Variants in OGG1 observed in about 807,000 individuals in gnomAD.
OGG1 encodes 8-oxoguanine DNA glycosylase.
A neutral mutation model predicts 42.3 loss-of-function variants in OGG1; 35 were observed. The observed-to-expected ratio is 0.83, with a 90% CI of 0.63 to 1.10. The LOEUF is 1.10. Ranked by LOEUF, OGG1 falls within the 50% of genes least tolerant of loss-of-function variation. OGG1 has a pLI of 0.00. For missense variants in OGG1, 484 were observed against 446.7 expected, an observed-to-expected ratio of 1.08 and a Z score of -0.75; for synonymous variants, 189 against 179.0, an observed-to-expected ratio of 1.06 and a Z score of -0.44.
chr3:9,767,771 A>T, downstream of OGG1: 1 of 1,613,556 alleles, frequency 6.2e-7, no homozygotes, highest in Non-Finnish European at 8.5e-7. Context: ...CCCCGACCAC[A>T]GCCAGGGCTC....
At chr3:9,790,403 C>T (rs774646434), downstream of OGG1, among the ~76,000 whole-genome samples, 28 of 152,156 alleles carry the variant, frequency 1.8e-4, no homozygotes, top group Non-Finnish European at 8.8e-5. Context: ...TCCATTCATC[C>T]TTTTAGGTCC....
chr3:9,763,389 G>GT (rs2077983030), intron 7 of OGG1: 2 of 147,716 alleles, frequency 1.4e-5, no homozygotes, highest in African/African-American at 5.6e-5. Flanking sequence ...GGGCAACAGA[G>GT]TAAGACCCTG....
chr3:9,781,398 TG>T (rs1402802565), intron 2 of OGG1: 4 of 423,426 alleles, frequency 9.4e-6, no homozygotes, highest in Non-Finnish European at 2.0e-5. Context: ...ATTATTCATA[TG>T]TTACCCGTGA....
At chr3:9,781,230 G>A (rs776477172) in intron 2 of OGG1, among the ~76,000 whole-genome samples, 1 of 152,024 alleles carries the variant, frequency 6.6e-6, no homozygotes, top group Non-Finnish European at 1.5e-5. Flanking sequence ...AAGATCACTT[G>A]AAGCCAGGAG....
downstream of OGG1, chr3:9,757,735 C>A (rs1239614122): frequency 3.1e-6 from 5 of 1,614,076 alleles, no homozygotes; most frequent in African/African-American, 5.3e-5. The surrounding 1 kb of genome is among the most constrained non-coding windows in gnomAD (Gnocchi z 4.5). Flanking sequence ...TCACCCCCAG[C>A]CACTGGTGTC....
At chr3:9,767,901 AAAATC>A (rs1381898071), downstream of OGG1, 2 of 1,329,686 alleles carry the variant, frequency 1.5e-6, no homozygotes, top group Non-Finnish European at 2.0e-6. Flanking sequence ...TCCATTTGAC[AAAATC>A]ATTCAACAAA....
chr3:9,780,239 A>C, intron 2 of OGG1: 2 of 1,130,158 alleles, frequency 1.8e-6, no homozygotes, highest in Non-Finnish European at 2.5e-6. Flanking sequence ...ACGGCCCTCT[A>C]GAGACTGCCG....
chr3:9,777,225 A>G (rs2078377102), intron 2 of OGG1, among the ~76,000 whole-genome samples: 1 of 152,232 alleles, frequency 6.6e-6, no homozygotes, highest in Non-Finnish European at 1.5e-5. Context: ...TTCTAGGGCC[A>G]AGACACAAAA....
chr3:9,757,872 A>T, downstream of OGG1: 1 of 1,581,974 alleles, frequency 6.3e-7, no homozygotes, highest in South Asian at 1.1e-5. The surrounding 1 kb of genome is among the most constrained non-coding windows in gnomAD (Gnocchi z 4.5). Context: ...TTGAAGGGAG[A>T]GGGGAGAAAG....
At chr3:9,786,925 T>C (rs2078627889) in intron 3 of OGG1, 1 of 1,324,704 alleles carries the variant, frequency 7.5e-7, no homozygotes, top group South Asian at 1.3e-5. Context: ...AATAAATGTA[T>C]GATAAATTCC....
chr3:9,766,898 C>T (rs1030243556), downstream of OGG1, among the ~76,000 whole-genome samples: 2 of 152,104 alleles, frequency 1.3e-5, no homozygotes, highest in African/African-American at 2.4e-5. Context: ...TAAGTGTCTC[C>T]CGGTGGCCTA....
intron 2 of OGG1, among the ~76,000 whole-genome samples, chr3:9,774,984 T>C: frequency 6.6e-6 from 1 of 150,416 alleles, no homozygotes. Flanking sequence ...TTGGCTGGGC[T>C]CATGCCTATA....
Position 9,750,055 on chromosome 3 carries a change from C to G in OGG1, c.-232C>G, listed in dbSNP as rs2077222340. ...ATAAGTCGCAAGGAGGGGGCGGGAC[C>G]TACACCTCAGGAAAGCCGGAGAATT... On this transcript the variant is annotated 5_prime_UTR_variant, in exon 1 of 7. Transcript: ENST00000344629. The G allele has an allele frequency of 1.7e-6, 1 of 596,284 alleles. No homozygotes were observed. Among genetic ancestry groups the G allele is most frequent in the Middle Eastern group, 4.5e-4 (1 of 2,210 alleles). 36.9% of individuals were successfully genotyped at this position (596,284 alleles called of 1,614,324 possible). A position where few individuals can be genotyped will look rare whatever the true frequency, so the allele number is the denominator to read the frequency against.
Position 9,751,073 on chromosome 3 carries a change from C to T in OGG1, c.266C>T (p.Thr89Ile), listed in dbSNP as rs756401277. 6.2e-7 allele frequency: 1 copy of T among 1,614,008 alleles called. No individual in the cohort carries two copies. The highest frequency in any genetic ancestry group is 1.7e-5 in the Admixed American group (1 of 60,004). The change falls in exon 2 of 7, where the codon ACA becomes ATA. Residue 89 changes from threonine to isoleucine, a missense_variant. Transcript: ENST00000344629. ...GACAAGAGCCAGGCTAGCAGGCCCA[C>T]ACCAGACGAGCTGGAGGCCGTGCGC... ...RGDKSQASRP[T>I]PDELEAVRKY...
intron 3 of OGG1, among the ~76,000 whole-genome samples, chr3:9,782,057 C>T (rs373342982): frequency 2.6e-5 from 4 of 152,044 alleles, no homozygotes; most frequent in South Asian, 2.1e-4. Flanking sequence ...AGGCTAGTTT[C>T]GAACTCCTGA....
chr3:9,769,114 G>A (rs967000539), downstream of OGG1, among the ~76,000 whole-genome samples: 1 of 151,742 alleles, frequency 6.6e-6, no homozygotes, highest in Non-Finnish European at 1.5e-5. Flanking sequence ...CAGCACACAT[G>A]TCCACACCAC....
At chr3:9,769,960 G>C (rs1475110707), downstream of OGG1, 2 of 152,180 alleles carry the variant, frequency 1.3e-5, no homozygotes, top group Non-Finnish European at 2.9e-5. Flanking sequence ...GGCTCGGCTC[G>C]GCTCGGCGGC....
intron 1 of OGG1, 46 bp from the exon 2 acceptor site, chr3:9,750,899 A>C (rs1473623162): frequency 1.2e-6 from 2 of 1,612,688 alleles, no homozygotes; most frequent in Non-Finnish European, 8.5e-7. Flanking sequence ...CAAAGGGTGC[A>C]AGAAAGGAAA....
At chr3:9,776,292 C>T (rs1255736054) in intron 2 of OGG1, among the ~76,000 whole-genome samples, 1 of 152,126 alleles carries the variant, frequency 6.6e-6, no homozygotes, top group Non-Finnish European at 1.5e-5. Flanking sequence ...CACATCCTCC[C>T]TGAAGCCTTT....
Sources: gnomAD v4.1 joint callset for allele counts (sites outside exome capture counted in the v4.1 genomes callset) on GRCh38, gnomAD v4.1.1 for gene constraint, Gnocchi (gnomAD v3.1) non-coding constraint, MANE v1.5 for transcripts, NCBI Gene and HGNC (gene_info 2026-07-23, HGNC 2026-07-21) for gene names.